FILIP1: variants seen among roughly 807,000 people sequenced by gnomAD.
The protein encoded by FILIP1 is filamin A interacting protein 1, also known as filamin-A-interacting protein 1.
In FILIP1, 61 loss-of-function variants were observed where a neutral mutation model predicts 102.1. The ratio of observed to expected loss-of-function variants is 0.60; its 90% CI spans 0.49 to 0.74. The LOEUF is 0.74. Among genes scored for constraint, FILIP1 ranks in the 30% least tolerant of loss-of-function variants. FILIP1 has a pLI of 0.00. For missense variants in FILIP1, 1,314 were observed against 1,441.2 expected, an observed-to-expected ratio of 0.91 and a Z score of 1.43; for synonymous variants, 491 against 526.9, an observed-to-expected ratio of 0.93 and a Z score of 0.93.
intron 1 of FILIP1, among the ~76,000 whole-genome samples, chr6:75,421,693 A>AT (rs1211331832): frequency 6.6e-6 from 1 of 152,128 alleles, no homozygotes; most frequent in African/African-American, 2.4e-5. Context: ...GGGCTTAGTA[A>AT]TACTGTCTAG....
At chr6:75,487,711 G>T (rs1779834231) in intron 1 of FILIP1, among the ~76,000 whole-genome samples, 1 of 151,966 alleles carries the variant, frequency 6.6e-6, no homozygotes, top group African/African-American at 2.4e-5. Flanking sequence ...ATTTTTTAAA[G>T]AATGCATTTG....
chr6:75,309,185 GAAAT>G (rs1773094488), intron 5 of FILIP1, among the ~76,000 whole-genome samples: 1 of 152,058 alleles, frequency 6.6e-6, no homozygotes, highest in East Asian at 1.9e-4. Context: ...TTTCACAGAG[GAAAT>G]AAATATAGAC....
chr6:75,411,148 G>A (rs1297019465), intron 2 of FILIP1, among the ~76,000 whole-genome samples: 2 of 152,124 alleles, frequency 1.3e-5, no homozygotes, highest in East Asian at 1.9e-4. Flanking sequence ...CTGTGGTTTC[G>A]ATTTGCATTT....
At chr6:75,334,059 C>T (rs1774163499) in intron 4 of FILIP1, among the ~76,000 whole-genome samples, 1 of 151,604 alleles carries the variant, frequency 6.6e-6, no homozygotes, top group African/African-American at 2.4e-5. Context: ...TGCAGAAAAT[C>T]CACATGACAA....
intron 1 of FILIP1, among the ~76,000 whole-genome samples, chr6:75,440,497 A>G (rs1778174691): frequency 6.6e-6 from 1 of 152,226 alleles, no homozygotes; most frequent in Non-Finnish European, 1.5e-5. Context: ...TGCAACCAGT[A>G]AGAGGGAAAT....
Position 75,379,848 on chromosome 6 carries a change from A to G in FILIP1, c.277-16931T>C, listed in dbSNP as rs547549647. Among the ~76,000 whole-genome samples, 18 of 152,282 alleles carry G rather than the reference A, an allele frequency of 1.2e-4. 2 individuals carry two copies. The highest frequency in any genetic ancestry group is 1.1e-3 in the Admixed American group (17 of 15,288). Reference sequence around the variant, plus strand: ...TCTCCTATTTAAAACTACAATCCTCATCCCTGAAATATCCTAGGGCTTTTC... The same window carrying G: ...TCTCCTATTTAAAACTACAATCCTCGTCCCTGAAATATCCTAGGGCTTTTC... On this transcript the variant is annotated intron_variant, in intron 2 of 5. Coordinates refer to ENST00000237172, the MANE Select transcript of FILIP1 (RefSeq NM_015687.5).
exon 7 of FILIP1, chr6:75,293,381 C>G (rs1398882090): frequency 1.3e-5 from 2 of 152,078 alleles, no homozygotes; most frequent in East Asian, 3.9e-4. Flanking sequence ...ATCTTATTTC[C>G]TTATTCATTA....
chr6:75,416,131 T>A (rs112712278), intron 1 of FILIP1, among the ~76,000 whole-genome samples: 1 of 152,160 alleles, frequency 6.6e-6, no homozygotes, highest in Admixed American at 6.5e-5. Flanking sequence ...CTTTGTTATA[T>A]GAAAGTAAAT....
chr6:75,347,409 A>G (rs13197756), intron 4 of FILIP1, among the ~76,000 whole-genome samples: 8,768 of 152,300 alleles, frequency 0.058, 319 homozygotes, highest in Non-Finnish European at 0.075. Context: ...CACAAAGAAG[A>G]AGGCTCAGTT....
rs753713747 is a variant in FILIP1 at position 75,362,868 on chromosome 6, T to C, written c.326A>G (p.Glu109Gly). ...HMLKTEKTKP[E>G]VLEAHYGSAE... The stretch of plus-strand genomic sequence containing the variant: ...AGACCCGTAATGAGCCTCCAGAACC[T>C]CAGGCTTGGTTTTCTCTGTCTTCAG... The change falls in exon 3 of 6, where the codon GAG becomes GGG. Residue 109 changes from glutamate (E) to glycine (G), a missense_variant. Coordinates refer to ENST00000237172, the MANE Select transcript of FILIP1 (RefSeq NM_015687.5). 6.2e-7 allele frequency: 1 copy of C among 1,614,032 alleles called. No individual in the cohort carries two copies. The highest frequency in any genetic ancestry group is 1.1e-5 in the South Asian group (1 of 91,060).
At chr6:75,491,002 T>C (rs1166400412) in intron 1 of FILIP1, among the ~76,000 whole-genome samples, 4 of 152,128 alleles carry the variant, frequency 2.6e-5, no homozygotes, top group African/African-American at 4.8e-5. Flanking sequence ...GATACGGCAT[T>C]GCACCTAATA....
At chr6:75,360,597 T>C (rs993106790) in intron 3 of FILIP1, 3 of 152,222 alleles carry the variant, frequency 2.0e-5, no homozygotes, top group African/African-American at 7.2e-5. Context: ...TTATGAACTT[T>C]GATATTCCAG....
chr6:75,400,546 G>A (rs896196665), intron 2 of FILIP1, among the ~76,000 whole-genome samples: 1 of 152,170 alleles, frequency 6.6e-6, no homozygotes, highest in African/African-American at 2.4e-5. Flanking sequence ...TCAGGAGAAG[G>A]TTAGAAAAAG....
intron 2 of FILIP1, among the ~76,000 whole-genome samples, chr6:75,365,719 T>C (rs1775306942): frequency 6.6e-6 from 1 of 152,124 alleles, no homozygotes; most frequent in Admixed American, 6.6e-5. Flanking sequence ...TTTTTTTGTT[T>C]ATACAGGTAT....
chr6:75,354,428 G>A (rs760879853), intron 3 of FILIP1, among the ~76,000 whole-genome samples: 19 of 152,082 alleles, frequency 1.2e-4, no homozygotes, highest in African/African-American at 3.4e-4. Flanking sequence ...AAAATTAGCC[G>A]GATGTGGTGG....
chr6:75,417,875 G>T (rs1777323592), intron 1 of FILIP1, among the ~76,000 whole-genome samples: 1 of 152,148 alleles, frequency 6.6e-6, no homozygotes, highest in Admixed American at 6.5e-5. Flanking sequence ...ATTGGAAGAG[G>T]GGCTATCCCT....
intron 2 of FILIP1, among the ~76,000 whole-genome samples, chr6:75,372,690 A>G (rs1184743744): frequency 6.7e-5 from 3 of 44,900 alleles, no homozygotes; most frequent in African/African-American, 4.2e-4. Context: ...AGAAAGAGAA[A>G]GAAAGAGAAA....
intron 1 of FILIP1, among the ~76,000 whole-genome samples, chr6:75,478,737 C>T (rs549046768): frequency 2.6e-5 from 4 of 152,282 alleles, no homozygotes; most frequent in African/African-American, 9.6e-5. Flanking sequence ...CTTTCTGGGT[C>T]TCAGCTTTGT....
In FILIP1 at chr6:75,315,044, A is replaced by G; in HGVS notation, c.788T>C (p.Leu263Pro). Residue 263 changes from leucine to proline, a missense_variant, in exon 5 of 6, where the codon CTG becomes CCG. Physicochemically the swap from Leu to Pro is moderately conservative, Grantham distance 98. Coordinates refer to ENST00000237172, the MANE Select transcript of FILIP1 (RefSeq NM_015687.5). Reference protein sequence around the residue: ...ERQMHIEQLGLQSQKVQDLTQ... With the variant: ...ERQMHIEQLGPQSQKVQDLTQ... Reference sequence around the variant, plus strand: ...AAGATCCTGTACTTTCTGGCTTTGCAGGCCAAGTTGTTCAATGTGCATTTG... The same window carrying G: ...AAGATCCTGTACTTTCTGGCTTTGCGGGCCAAGTTGTTCAATGTGCATTTG... The G allele has an allele frequency of 6.2e-7, 1 of 1,614,060 alleles. No individual in the cohort carries two copies.
Sources: gnomAD v4.1 joint callset for allele counts (sites outside exome capture counted in the v4.1 genomes callset) on GRCh38, gnomAD v4.1.1 for gene constraint, MANE v1.5 for transcripts, NCBI Gene and HGNC (gene_info 2026-07-23, HGNC 2026-07-21) for gene names.